SMG6: variants seen among roughly 807,000 people sequenced by gnomAD.
SMG6 encodes SMG6 nonsense mediated mRNA decay factor.
Under a neutral mutation model 142.2 loss-of-function variants are expected in SMG6, and 66 were observed. The observed-to-expected ratio is 0.46, with a 90% CI of 0.38 to 0.57. The LOEUF (loss-of-function observed/expected upper bound fraction) is 0.57. Ranked by LOEUF, SMG6 falls within the 20% of genes least tolerant of loss-of-function variation. The pLI, the probability that SMG6 is intolerant of heterozygous loss-of-function variation, is 0.00. For missense variants in SMG6, 1,793 were observed against 1,832.0 expected, an observed-to-expected ratio of 0.98 and a Z score of 0.39; for synonymous variants, 779 against 702.4, an observed-to-expected ratio of 1.11 and a Z score of -1.72.
At chr17:2,296,063 T>C (rs889103895) in intron 4 of SMG6, among the ~76,000 whole-genome samples, 8 of 152,176 alleles carry the variant, frequency 5.3e-5, no homozygotes, top group African/African-American at 1.9e-4. Context: ...ACTCACCAAT[T>C]TGCCCAAGTG....
chr17:2,113,338 C>A (rs1305991887), intron 13 of SMG6, among the ~76,000 whole-genome samples: 1 of 152,082 alleles, frequency 6.6e-6, no homozygotes, highest in African/African-American at 2.4e-5. Flanking sequence ...GGCCTCACAG[C>A]GTGCTTGGGT....
chr17:2,232,989 T>C (rs1227567899), intron 10 of SMG6: 1 of 152,206 alleles, frequency 6.6e-6, no homozygotes, highest in Non-Finnish European at 1.5e-5. Context: ...GTAATCACAG[T>C]AAAACGTTAG....
chr17:2,164,510 A>G (rs1342881606), intron 13 of SMG6, among the ~76,000 whole-genome samples: 3 of 152,182 alleles, frequency 2.0e-5, no homozygotes. Context: ...AGGGAGACTG[A>G]GGCAGGATCA....
intron 16 of SMG6, chr17:2,066,085 C>CCGAGATCT: frequency 4.6e-6 from 1 of 219,704 alleles, no homozygotes; most frequent in Non-Finnish European, 9.4e-6. Context: ...CTTGGGCCCA[C>CCGAGATCT]ACACACTGCA....
chr17:2,109,829 C>T (rs2069259257), intron 13 of SMG6, among the ~76,000 whole-genome samples: 1 of 152,110 alleles, frequency 6.6e-6, no homozygotes, highest in Non-Finnish European at 1.5e-5. Flanking sequence ...CAGTGGCTCA[C>T]ACCTGTAGTC....
chr17:2,086,679 T>A (rs1385850563), intron 13 of SMG6, among the ~76,000 whole-genome samples: 1 of 152,158 alleles, frequency 6.6e-6, no homozygotes, highest in Non-Finnish European at 1.5e-5. Flanking sequence ...TGTGTAAGTG[T>A]CTCAGATTAA....
chr17:2,119,849 A>C (rs1156863791), intron 13 of SMG6, among the ~76,000 whole-genome samples: 1 of 152,096 alleles, frequency 6.6e-6, no homozygotes, highest in Non-Finnish European at 1.5e-5. Flanking sequence ...TTTTTAGTAG[A>C]GACCAGGTTT....
At position 2,068,638 on chromosome 17, in the gene SMG6, C is replaced by T. The variant is rs540806259; in HGVS notation, c.3835+140G>A. 8.2e-5 allele frequency: 65 copies of T among 793,732 alleles called. No individual in the cohort carries two copies. The Middle Eastern group carries it at 1.9e-3, about 23-fold the overall frequency. The allele number at this position is 793,732 out of a possible 1,614,324, so 49.2% of individuals were successfully genotyped here. A position where few individuals can be genotyped will look rare whatever the true frequency, so the allele number is the denominator to read the frequency against. The stretch of plus-strand genomic sequence containing the variant: ...TTATTAAACAGTTTTCTTTGCCCCA[C>T]GCGTTCCCTACTCCCCTGCAAATCC... On this transcript the variant is annotated intron_variant, in intron 16 of 18. Coordinates refer to ENST00000263073, the MANE Select transcript of SMG6 (RefSeq NM_017575.5). This position sits in a 1 kb window ranked among gnomAD's most constrained non-coding sequence, Gnocchi z 6.7.
intron 8 of SMG6, among the ~76,000 whole-genome samples, chr17:2,248,961 A>G (rs947831042): frequency 6.6e-6 from 1 of 151,172 alleles, no homozygotes; most frequent in South Asian, 2.1e-4. Context: ...ATCTCAGCTC[A>G]CTGCAAGCTC....
intron 4 of SMG6, among the ~76,000 whole-genome samples, chr17:2,293,579 C>T (rs916924347): frequency 3.3e-5 from 5 of 152,140 alleles, no homozygotes; most frequent in South Asian, 2.1e-4. Context: ...AAGTGATTCT[C>T]GTGCCTCAGC....
intron 10 of SMG6, among the ~76,000 whole-genome samples, chr17:2,206,434 T>C (rs938117708): frequency 9.3e-5 from 14 of 150,794 alleles, no homozygotes; most frequent in African/African-American, 2.2e-4. Context: ...ATAAAATTAG[T>C]TGGGCAAGGT....
In SMG6 at chr17:2,124,414, TGTAGA is replaced by T. The variant is rs1418943647; in HGVS notation, c.3358-38518_3358-38514del. On this transcript the variant is annotated intron_variant, in intron 13 of 18. Transcript: ENST00000263073. Reference sequence around the variant, plus strand: ...CTAGCCTCTTTTCAGGAGAGACTGATGTAGAGTAGTCATGGGCAGGCCAGGGAACA... The same window carrying T: ...CTAGCCTCTTTTCAGGAGAGACTGATGTAGTCATGGGCAGGCCAGGGAACA... Among the ~76,000 whole-genome samples the T allele has an allele frequency of 3.3e-5, 5 of 152,210 alleles. No individual in the cohort carries two copies. In the East Asian group the frequency reaches 7.7e-4, roughly 23 times the overall value.
chr17:2,276,322 C>A (rs939336785), intron 8 of SMG6, among the ~76,000 whole-genome samples: 1 of 152,154 alleles, frequency 6.6e-6, no homozygotes, highest in African/African-American at 2.4e-5. Flanking sequence ...TCTACAGCTA[C>A]CCCAGTTCAC....
intron 1 of SMG6, chr17:2,303,009 C>T (rs1454388829): frequency 1.0e-6 from 1 of 985,352 alleles, no homozygotes; most frequent in Non-Finnish European, 1.2e-6. Context: ...TAGAATCTTT[C>T]TTACTTTCCT....
Position 2,230,338 on chromosome 17 carries a change from G to GAAAA in SMG6, c.2869+6153_2869+6154insTTTT, listed in dbSNP as rs2073452742. Among the ~76,000 whole-genome samples the GAAAA allele has an allele frequency of 4.0e-3, 42 of 10,574 alleles. 4 individuals are homozygous for GAAAA. The highest frequency in any genetic ancestry group is 6.0e-3 in the Non-Finnish European group (32 of 5,378). 6.9% of individuals were successfully genotyped at this position (10,574 alleles called of 152,430 possible). On this transcript the variant is annotated intron_variant, in intron 10 of 18. Transcript: ENST00000263073. ...AAAAAAAAAAAAAAAAAAAAAAAAG[G>GAAAA]GAAAACCACAAACAATCAAATTGAC...
At chr17:2,097,130 T>C (rs187712847) in intron 13 of SMG6, among the ~76,000 whole-genome samples, 112 of 152,032 alleles carry the variant, frequency 7.4e-4, no homozygotes, top group Admixed American at 2.7e-3. Flanking sequence ...TACTTAACAT[T>C]GAAGAAATAT....
At chr17:2,242,588 G>A (rs533992120) in intron 9 of SMG6, among the ~76,000 whole-genome samples, 3 of 148,668 alleles carry the variant, frequency 2.0e-5, no homozygotes, top group African/African-American at 5.1e-5. Context: ...CCAGTGACAC[G>A]GGAGGCTGAG....
chr17:2,220,748 AT>A (rs1197266404), intron 10 of SMG6, among the ~76,000 whole-genome samples: 4 of 152,266 alleles, frequency 2.6e-5, no homozygotes, highest in African/African-American at 9.6e-5. Flanking sequence ...AAAGAATTTT[AT>A]AGCTTTGTAT....
chr17:2,061,420 T>C lies in SMG6; in HGVS notation c.*72A>G. 6.9e-7 allele frequency: 1 copy of C among 1,453,344 alleles called. No homozygotes were observed. Among genetic ancestry groups the C allele is most frequent in the Non-Finnish European group, 9.2e-7 (1 of 1,081,924 alleles). 90.0% of individuals were successfully genotyped at this position (1,453,344 alleles called of 1,614,324 possible). A position where few individuals can be genotyped will look rare whatever the true frequency, so the allele number is the denominator to read the frequency against. The stretch of plus-strand genomic sequence containing the variant: ...TGGTGGCTCAGGCACGTGGGCATCT[T>C]CCGTGCTACACTGGGCGCCTGGTGG... On this transcript the variant is annotated 3_prime_UTR_variant, in exon 19 of 19. Coordinates refer to ENST00000263073, the MANE Select transcript of SMG6 (RefSeq NM_017575.5).
Sources: gnomAD v4.1 joint callset for allele counts (sites outside exome capture counted in the v4.1 genomes callset) on GRCh38, gnomAD v4.1.1 for gene constraint, Gnocchi (gnomAD v3.1) non-coding constraint, MANE v1.5 for transcripts, NCBI Gene and HGNC (gene_info 2026-07-23, HGNC 2026-07-21) for gene names.